The following AGBL4 variants were observed in gnomAD, a reference collection of about 807,000 sequenced individuals.
The protein encoded by AGBL4 is cytosolic carboxypeptidase 6.
AGBL4 carries 58 observed loss-of-function variants against 66.4 expected under a neutral mutation model. The ratio of observed to expected loss-of-function variants is 0.87; its 90% CI spans 0.71 to 1.09. AGBL4 has a LOEUF of 1.09. Among genes scored for constraint, AGBL4 ranks in the 50% least tolerant of loss-of-function variants. AGBL4 has a pLI of 0.00. For missense variants in AGBL4, 579 were observed against 631.0 expected (o/e 0.92, Z 0.88); for synonymous variants, 234 against 222.9 (o/e 1.05, Z -0.44).
At chr1:49,055,733 T>A (rs182765826) in intron 4 of AGBL4, among the ~76,000 whole-genome samples, 6 of 152,250 alleles carry the variant, frequency 3.9e-5, no homozygotes, top group African/African-American at 1.4e-4. Context: ...AATAAATATG[T>A]TTTTAAACAT....
chr1:49,840,269 T>C lies in AGBL4; in HGVS notation c.157+11127A>G, dbSNP rs1052472045. On this transcript the variant is annotated intron_variant, in intron 2 of 13. Coordinates refer to ENST00000371839, the MANE Select transcript of AGBL4 (RefSeq NM_032785.4). ...TAATTGGTTTACATAAAGTTGTTCA[T>C]AGTAGTCTCTGGGGATTTTTGTATT... Among the ~76,000 whole-genome samples, 8 of 152,334 alleles carry C rather than the reference T, an allele frequency of 5.3e-5. No homozygotes were observed. In the East Asian group the frequency reaches 1.2e-3, roughly 22 times the overall value.
chr1:49,969,913 TAG>T (rs1399977229), intron 1 of AGBL4, among the ~76,000 whole-genome samples: 1 of 152,036 alleles, frequency 6.6e-6, no homozygotes, highest in Non-Finnish European at 1.5e-5. Context: ...CATAGACCAA[TAG>T]AACAGAACAG....
intron 2 of AGBL4, chr1:49,845,529 T>C: frequency 6.3e-7 from 1 of 1,586,534 alleles, no homozygotes; most frequent in Non-Finnish European, 8.6e-7. Flanking sequence ...CCTTGATCCA[T>C]AGCTAGTCCT....
chr1:49,256,353 CAA>C (rs935641305), intron 3 of AGBL4, among the ~76,000 whole-genome samples: 1 of 151,880 alleles, frequency 6.6e-6, no homozygotes, highest in African/African-American at 2.4e-5. Context: ...TTTATTGATA[CAA>C]AGTCAATACT....
intron 1 of AGBL4, among the ~76,000 whole-genome samples, chr1:50,021,285 C>G (rs1201303359): frequency 1.3e-5 from 2 of 152,144 alleles, no homozygotes; most frequent in Middle Eastern, 3.2e-3. Flanking sequence ...TCATCCCAGG[C>G]CTCTTCTCCC....
intron 5 of AGBL4, among the ~76,000 whole-genome samples, chr1:49,036,741 T>G (rs1352774092): frequency 1.3e-5 from 2 of 151,258 alleles, no homozygotes; most frequent in Admixed American, 6.6e-5. Flanking sequence ...TTTTTTTTTT[T>G]TGTAGTAATG....
At chr1:49,530,278 A>AAAAAAAAAAAAAAAAAAAAAAAAAAAAC (rs1186915086) in intron 3 of AGBL4, among the ~76,000 whole-genome samples, 4 of 145,118 alleles carry the variant, frequency 2.8e-5, no homozygotes, top group Non-Finnish European at 4.6e-5. Flanking sequence ...AAAAACAAAA[A>AAAAAAAAAAAAAAAAAAAAAAAAAAAAC]AAAACTCTAT....
intron 5 of AGBL4, among the ~76,000 whole-genome samples, chr1:49,013,984 C>T (rs1287149391): frequency 1.3e-5 from 2 of 152,102 alleles, no homozygotes; most frequent in African/African-American, 2.4e-5. Flanking sequence ...TGGACCCACA[C>T]ATTTATAATA....
intron 6 of AGBL4, among the ~76,000 whole-genome samples, chr1:48,808,746 C>T (rs1384224580): frequency 6.6e-6 from 1 of 152,168 alleles, no homozygotes; most frequent in Non-Finnish European, 1.5e-5. Flanking sequence ...AGCACAAAGG[C>T]TGAGACTGAA....
At chr1:49,936,330 G>T (rs1423197205) in intron 1 of AGBL4, among the ~76,000 whole-genome samples, 2 of 152,150 alleles carry the variant, frequency 1.3e-5, no homozygotes, top group African/African-American at 4.8e-5. Context: ...AGAAATATGG[G>T]ACTATGTGAA....
At chr1:50,016,959 T>C (rs1235418422) in intron 1 of AGBL4, 2 of 152,104 alleles carry the variant, frequency 1.3e-5, no homozygotes, top group African/African-American at 2.4e-5. Flanking sequence ...GAAATCTAAA[T>C]TGTTCTACCA....
At chr1:48,563,661 C>G (rs888145943) in intron 11 of AGBL4, among the ~76,000 whole-genome samples, 1 of 152,160 alleles carries the variant, frequency 6.6e-6, no homozygotes, top group African/African-American at 2.4e-5. Flanking sequence ...GATAGATAGA[C>G]AGACAATCAG....
At chr1:49,109,620 G>C (rs1645365725) in intron 4 of AGBL4, among the ~76,000 whole-genome samples, 1 of 152,088 alleles carries the variant, frequency 6.6e-6, no homozygotes, top group Admixed American at 6.6e-5. Context: ...CATTATTAGA[G>C]TATTTTTTAC....
At chr1:48,698,346 G>T (rs1279399624) in intron 6 of AGBL4, among the ~76,000 whole-genome samples, 2 of 152,178 alleles carry the variant, frequency 1.3e-5, no homozygotes, top group Non-Finnish European at 1.5e-5. Flanking sequence ...GAAGAGGAAG[G>T]TCACTACGGT....
At chr1:49,913,411 T>C (rs951414424) in intron 1 of AGBL4, among the ~76,000 whole-genome samples, 2 of 152,252 alleles carry the variant, frequency 1.3e-5, no homozygotes, top group African/African-American at 2.4e-5. Context: ...ATAACCTCCA[T>C]TGACTACATG....
chr1:48,825,524 A>G (rs1646409196), intron 6 of AGBL4, among the ~76,000 whole-genome samples: 1 of 152,114 alleles, frequency 6.6e-6, no homozygotes, highest in South Asian at 2.1e-4. Flanking sequence ...ACCTTCCCCC[A>G]TGTAAGCAGA....
At chr1:49,160,377 G>C (rs1395299010) in intron 4 of AGBL4, among the ~76,000 whole-genome samples, 1 of 152,162 alleles carries the variant, frequency 6.6e-6, no homozygotes, top group Non-Finnish European at 1.5e-5. Context: ...TATTTGCCTG[G>C]ATATAATCAG....
At chr1:49,802,985 C>A (rs1211224732) in intron 2 of AGBL4, among the ~76,000 whole-genome samples, 1 of 151,846 alleles carries the variant, frequency 6.6e-6, no homozygotes, top group Non-Finnish European at 1.5e-5. Flanking sequence ...ATCTGCTTTA[C>A]AATTTCAAAA....
intron 2 of AGBL4, among the ~76,000 whole-genome samples, chr1:49,716,523 C>T (rs111586406): frequency 4.6e-5 from 7 of 151,454 alleles, no homozygotes; most frequent in East Asian, 3.9e-4. Flanking sequence ...GATAACCAGG[C>T]GAAAATAAAA....
Sources: allele counts gnomAD v4.1 joint callset (sites outside exome capture counted in the v4.1 genomes callset), GRCh38; gene constraint gnomAD v4.1.1; transcripts MANE v1.5; gene names NCBI Gene and HGNC (gene_info 2026-07-23, HGNC 2026-07-21).